CFAP210: variants seen among roughly 807,000 people sequenced by gnomAD.
CFAP210 encodes cilia- and flagella- associated protein 210.
chr2:169,653,399 G>A, the CFAP210 span, among the ~76,000 whole-genome samples: 9 of 151,906 alleles, frequency 5.9e-5, 1 homozygote, highest in East Asian at 1.8e-3. Flanking sequence ...ATTTGGGTAG[G>A]TGGAGAGCCT....
chr2:169,688,115 C>T, the CFAP210 span, among the ~76,000 whole-genome samples: 3 of 152,218 alleles, frequency 2.0e-5, no homozygotes, highest in Admixed American at 1.3e-4. Flanking sequence ...CACAGGGACC[C>T]TGGTCCTGGC....
At chr2:169,685,490 T>C in the CFAP210 span, among the ~76,000 whole-genome samples, 10 of 152,234 alleles carry the variant, frequency 6.6e-5, no homozygotes, top group Non-Finnish European at 1.3e-4. Context: ...GAATTCTTTA[T>C]AATCTGGATT....
chr2:169,682,210 TCTAA>T, the CFAP210 span, among the ~76,000 whole-genome samples: 36,562 of 151,948 alleles, frequency 0.24, 4,574 homozygotes, highest in Non-Finnish European at 0.27. Context: ...CCAAACTTAC[TCTAA>T]CTAATTTAGG....
At chr2:169,690,526 G>A in the CFAP210 span, among the ~76,000 whole-genome samples, 1 of 152,156 alleles carries the variant, frequency 6.6e-6, no homozygotes, top group South Asian at 2.1e-4. Flanking sequence ...AACCAGGTGT[G>A]GTGGCGGGTG....
At chr2:169,649,513 T>C in the CFAP210 span, among the ~76,000 whole-genome samples, 1 of 152,200 alleles carries the variant, frequency 6.6e-6, no homozygotes, top group Non-Finnish European at 1.5e-5. Flanking sequence ...CAGTTTACTT[T>C]GGTTTTGTTC....
chr2:169,684,914 C>T, the CFAP210 span, among the ~76,000 whole-genome samples: 1 of 152,178 alleles, frequency 6.6e-6, no homozygotes, highest in Non-Finnish European at 1.5e-5. Flanking sequence ...CCTTGGCCTC[C>T]CAAAGTGCTG....
At chr2:169,666,676 AT>A in the CFAP210 span, among the ~76,000 whole-genome samples, 4 of 152,136 alleles carry the variant, frequency 2.6e-5, no homozygotes, top group African/African-American at 7.2e-5. Context: ...TGCCATATTC[AT>A]TGACTCTTCA....
chr2:169,678,348 A>AG, the CFAP210 span, among the ~76,000 whole-genome samples: 1 of 150,160 alleles, frequency 6.7e-6, no homozygotes, highest in Non-Finnish European at 1.5e-5. Context: ...TTGCAAAAAA[A>AG]AAAAAAAAAA....
chr2:169,670,374 G>C, the CFAP210 span, among the ~76,000 whole-genome samples: 1 of 152,290 alleles, frequency 6.6e-6, no homozygotes, highest in African/African-American at 2.4e-5. Flanking sequence ...CAGTAGCATA[G>C]GATAGATTGT....
chr2:169,686,009 T>A, the CFAP210 span, among the ~76,000 whole-genome samples: 2 of 152,156 alleles, frequency 1.3e-5, no homozygotes, highest in Non-Finnish European at 2.9e-5. Context: ...TGACTGTAGT[T>A]TTTTTTATTG....
At chr2:169,671,223 C>T in the CFAP210 span, among the ~76,000 whole-genome samples, 2 of 152,290 alleles carry the variant, frequency 1.3e-5, no homozygotes, top group African/African-American at 2.4e-5. Flanking sequence ...TCCAAATCCA[C>T]CATATTCTAT....
the CFAP210 span, among the ~76,000 whole-genome samples, chr2:169,678,769 G>A: frequency 2.0e-5 from 3 of 151,330 alleles, no homozygotes; most frequent in Non-Finnish European, 4.4e-5. Context: ...AGGTTGCAGT[G>A]AGCCGAGATC....
the CFAP210 span, among the ~76,000 whole-genome samples, chr2:169,664,883 T>TATA: frequency 7.2e-5 from 11 of 152,364 alleles, no homozygotes; most frequent in African/African-American, 1.4e-4. Context: ...ATTCTTGGGC[T>TATA]TATATAGATG....
the CFAP210 span, chr2:169,654,286 G>C: frequency 2.3e-6 from 3 of 1,321,512 alleles, no homozygotes; most frequent in Non-Finnish European, 3.0e-6. Flanking sequence ...TAGCTAACAA[G>C]AACCTGTCAA....
At chr2:169,685,033 G>GAT in the CFAP210 span, among the ~76,000 whole-genome samples, 1 of 152,152 alleles carries the variant, frequency 6.6e-6, no homozygotes, top group Admixed American at 6.5e-5. Context: ...TCAGTTGATG[G>GAT]ATATTAGGGG....
At chr2:169,650,281 G>T in the CFAP210 span, 1 of 1,484,582 alleles carries the variant, frequency 6.7e-7, no homozygotes, top group Non-Finnish European at 8.9e-7. Flanking sequence ...CAGTGGAAAG[G>T]TCCTAACTCT....
chr2:169,689,187 A>G, the CFAP210 span, among the ~76,000 whole-genome samples: 723 of 152,208 alleles, frequency 4.8e-3, 9 homozygotes, highest in African/African-American at 0.017. Context: ...CCCTCCCACA[A>G]CTCATGGGAA....
the CFAP210 span, chr2:169,650,396 C>A: frequency 1.2e-6 from 2 of 1,602,578 alleles, no homozygotes; most frequent in Non-Finnish European, 1.7e-6. Context: ...TTCTCTTTCT[C>A]TTTTTTCCCA....
At chr2:169,691,667 T>C in the CFAP210 span, among the ~76,000 whole-genome samples, 1 of 152,242 alleles carries the variant, frequency 6.6e-6, no homozygotes, top group Non-Finnish European at 1.5e-5. Context: ...AACCTTTTTC[T>C]TGTGTTTGGG....
Sources: gnomAD v4.1 joint callset for allele counts (sites outside exome capture counted in the v4.1 genomes callset) on GRCh38, gnomAD v4.1.1 for gene constraint, MANE v1.5 for transcripts, NCBI Gene and HGNC (gene_info 2026-07-23, HGNC 2026-07-21) for gene names.